Variants in LAMA1 observed in about 807,000 individuals in gnomAD.
LAMA1 encodes the protein laminin subunit alpha 1.
A neutral mutation model predicts 348.7 loss-of-function variants in LAMA1; 219 were observed. That is an observed-to-expected ratio of 0.63 (90% CI 0.56 to 0.70). LAMA1 has a LOEUF of 0.70. LAMA1 is among the 30% of genes least tolerant of loss of function. The probability of loss-of-function intolerance (pLI) is 0.00; values close to 1 mark genes in which losing one functional copy is unlikely to be tolerated. For missense variants in LAMA1, 3,744 were observed against 3,888.0 expected (o/e 0.96, Z 0.99); for synonymous variants, 1,487 against 1,491.0 (o/e 1.00, Z 0.06).
rs146148365 is a variant in LAMA1 at position 6,971,911 on chromosome 18, A to G, written c.6845T>C (p.Ile2282Thr). 4.5e-4 allele frequency: 732 copies of G among 1,614,118 alleles called. 6 individuals are homozygous for G. Among genetic ancestry groups the G allele is most frequent in the South Asian group, 4.5e-3 (409 of 91,080 alleles). Residue 2282 changes from isoleucine to threonine, a missense_variant, in exon 48 of 63, where the codon ATA becomes ACA. Physicochemically the swap from Ile to Thr is moderately conservative, Grantham distance 89 (BLOSUM62 -1). Around this residue, in one of 3 missense-constraint regions of LAMA1, gnomAD observed 1,983 missense variants for 1,934.3 expected, o/e 1.03. Coordinates refer to ENST00000389658, the MANE Select transcript of LAMA1 (RefSeq NM_005559.4). ...CCTTTCAATATAGTTCCATAGGCCTATGGATTTTCCATTCAGGAAGGCCTC... is the reference window on the plus strand; with the variant it reads ...CCTTTCAATATAGTTCCATAGGCCTGTGGATTTTCCATTCAGGAAGGCCTC... ...LGEAFLNGKSIGLWNYIEREG... is the reference protein window; with the variant it reads ...LGEAFLNGKSTGLWNYIEREG...
At position 6,960,301 on chromosome 18, in the gene LAMA1, C is replaced by A. The variant is rs116785372; in HGVS notation, c.7627-809G>T. ...TCATCCATGAAGTAACTGATGAACA[C>A]ACTGTGGTATGTATATACAGTGGAA... is the stretch of plus-strand genomic sequence containing the variant. On this transcript the variant is annotated intron_variant, in intron 53 of 62. Coordinates refer to ENST00000389658, the MANE Select transcript of LAMA1 (RefSeq NM_005559.4). The A allele has an allele frequency of 8.4e-3, 1,291 of 153,768 alleles. 23 individuals carry two copies. The highest frequency in any genetic ancestry group is 0.029 in the African/African-American group (1,192 of 41,540). 9.5% of individuals were successfully genotyped at this position (153,768 alleles called of 1,614,324 possible).
intron 3 of LAMA1, chr18:7,079,652 C>A: frequency 2.5e-6 from 1 of 406,740 alleles, no homozygotes. Context: ...TCCCCCTCTC[C>A]CTCCCCATGC....
chr18:7,010,170 G>A, intron 26 of LAMA1, 30 bp downstream of exon 26: 1 of 1,611,756 alleles, frequency 6.2e-7, no homozygotes, highest in Non-Finnish European at 8.5e-7. Flanking sequence ...ATGTCTTTAA[G>A]GAACTTCTAT....
chr18:6,960,059 G>A (rs984623550), intron 53 of LAMA1: 3 of 169,776 alleles, frequency 1.8e-5, no homozygotes, highest in Non-Finnish European at 3.8e-5. Flanking sequence ...GACTTAGTAA[G>A]CACACTTTGA....
intron 26 of LAMA1, 58 bp downstream of exon 26, chr18:7,010,142 A>G: frequency 6.3e-7 from 1 of 1,582,116 alleles, no homozygotes; most frequent in Non-Finnish European, 8.7e-7. Context: ...ATCTTTCACT[A>G]CATCCATAGC....
chr18:7,076,508 A>G (rs1433634596), intron 3 of LAMA1, among the ~76,000 whole-genome samples: 2 of 152,200 alleles, frequency 1.3e-5, no homozygotes, highest in East Asian at 1.9e-4. Context: ...AAACAATCTG[A>G]CAAATCCAGA....
intron 46 of LAMA1, among the ~76,000 whole-genome samples, chr18:6,973,734 A>G (rs1275675508): frequency 6.6e-6 from 1 of 152,172 alleles, no homozygotes; most frequent in East Asian, 1.9e-4. Flanking sequence ...GAGGAATTTT[A>G]CCAGGTTGGC....
chr18:7,086,369 G>A (rs2058217437), intron 1 of LAMA1, among the ~76,000 whole-genome samples: 1 of 152,196 alleles, frequency 6.6e-6, no homozygotes, highest in Non-Finnish European at 1.5e-5. Flanking sequence ...CAGATACAAC[G>A]TCTTTCACTG....
intron 30 of LAMA1, 81 bp downstream of exon 30, chr18:7,002,183 C>T: frequency 1.3e-6 from 2 of 1,568,662 alleles, no homozygotes; most frequent in East Asian, 2.3e-5. Flanking sequence ...CAACAGACCA[C>T]TCAGAGACCC....
chr18:7,046,397 T>C, intron 5 of LAMA1, 30 bp from the exon 6 acceptor site: 1 of 1,335,664 alleles, frequency 7.5e-7, no homozygotes, highest in Non-Finnish European at 1.1e-6. Context: ...TGAACAAAAA[T>C]TAAAACCTAG....
intron 1 of LAMA1, among the ~76,000 whole-genome samples, chr18:7,099,670 T>A (rs971701312): frequency 1.3e-5 from 2 of 150,664 alleles, no homozygotes; most frequent in Non-Finnish European, 3.0e-5. Context: ...CAAAAGAAAA[T>A]AATTGATCAA....
intron 60 of LAMA1, 23 bp downstream of exon 60, chr18:6,948,380 T>C (rs1286953119): frequency 6.2e-7 from 1 of 1,614,152 alleles, no homozygotes. Flanking sequence ...GGGACTGCCT[T>C]CGAGAGTGTT....
At chr18:6,971,780 T>C in intron 48 of LAMA1, 77 bp downstream of exon 48, 2 of 1,591,226 alleles carry the variant, frequency 1.3e-6, no homozygotes, top group Non-Finnish European at 1.7e-6. Context: ...GACGTGCATG[T>C]ATTAATACAT....
Position 6,973,578 on chromosome 18 carries a change from T to C in LAMA1, c.6624-371A>G, listed in dbSNP as rs567478829. Among the ~76,000 whole-genome samples the C allele has an allele frequency of 1.4e-4, 21 of 152,320 alleles. No homozygotes were observed. The South Asian group carries it at 4.1e-3, about 30-fold the overall frequency. On this transcript the variant is annotated intron_variant, in intron 46 of 62. Coordinates refer to ENST00000389658, the MANE Select transcript of LAMA1 (RefSeq NM_005559.4). The stretch of plus-strand genomic sequence containing the variant: ...CTCAAAAGTGATTACCTCTGAAGGA[T>C]TTTAAAAAGAAGAATTTTGCTTTGT...
At chr18:7,075,301 G>GA (rs1444834630) in intron 3 of LAMA1, among the ~76,000 whole-genome samples, 9 of 152,070 alleles carry the variant, frequency 5.9e-5, no homozygotes, top group Admixed American at 2.0e-4. Flanking sequence ...AAGAAAAGAG[G>GA]AGGGGGGGGA....
chr18:7,103,219 C>G (rs1467625400), intron 1 of LAMA1, among the ~76,000 whole-genome samples: 2 of 151,608 alleles, frequency 1.3e-5, no homozygotes, highest in East Asian at 3.9e-4. Flanking sequence ...AGATCAAGAC[C>G]ATCACGGCTA....
intron 1 of LAMA1, among the ~76,000 whole-genome samples, chr18:7,109,543 G>A (rs1025020177): frequency 6.6e-6 from 1 of 152,146 alleles, no homozygotes; most frequent in Non-Finnish European, 1.5e-5. Context: ...TCCTGGGGTT[G>A]GTATATTGCA....
intron 1 of LAMA1, among the ~76,000 whole-genome samples, chr18:7,116,536 C>T (rs2058357174): frequency 6.6e-6 from 1 of 152,218 alleles, no homozygotes; most frequent in Admixed American, 6.5e-5. Context: ...CAACTCAGCA[C>T]AATGCCCAAA....
chr18:7,092,837 C>G (rs549435623), intron 1 of LAMA1, among the ~76,000 whole-genome samples: 42 of 152,218 alleles, frequency 2.8e-4, no homozygotes, highest in African/African-American at 9.6e-4. Context: ...AATACAGACT[C>G]GTGGTTTCCC....
Sources: allele counts gnomAD v4.1 joint callset (sites outside exome capture counted in the v4.1 genomes callset), GRCh38; gene constraint gnomAD v4.1.1; regional missense constraint gnomAD v4.1.1; transcripts MANE v1.5; gene names NCBI Gene and HGNC (gene_info 2026-07-23, HGNC 2026-07-21).